The following GRK2 variants were observed in gnomAD, a reference collection of about 807,000 sequenced individuals.
GRK2 encodes G protein-coupled receptor kinase 2, also known as adrenergic beta receptor kinase 1.
Under a neutral mutation model 97.8 loss-of-function variants are expected in GRK2, and 23 were observed. The ratio of observed to expected loss-of-function variants is 0.24; its 90% confidence interval spans 0.17 to 0.33. The LOEUF (loss-of-function observed/expected upper bound fraction) is 0.33. Ranked by LOEUF, GRK2 falls within the 10% of genes least tolerant of loss-of-function variation. The pLI is 1.00. For synonymous variants in GRK2, 425 were observed against 381.7 expected, an observed-to-expected ratio of 1.11 and a Z score of -1.32; for missense variants, 633 against 956.9, an observed-to-expected ratio of 0.66 and a Z score of 4.47.
chr11:67,283,085 G>T, intron 14 of GRK2, 43 bp from the exon 15 acceptor site: 1 of 1,590,142 alleles, frequency 6.3e-7, no homozygotes, highest in South Asian at 1.1e-5. Flanking sequence ...TGGGGTCAAG[G>T]GCTCTTCCTA....
intron 1 of GRK2, among the ~76,000 whole-genome samples, chr11:67,271,431 A>T (rs1859905053): frequency 6.6e-6 from 1 of 151,828 alleles, no homozygotes; most frequent in African/African-American, 2.4e-5. Flanking sequence ...CAATTTTCTG[A>T]CTCTAGAGCC....
intron 1 of GRK2, among the ~76,000 whole-genome samples, chr11:67,275,938 T>A (rs1860019162): frequency 6.6e-6 from 1 of 152,038 alleles, no homozygotes; most frequent in African/African-American, 2.4e-5. Flanking sequence ...TGGCATGAGG[T>A]ACACAGTGCC....
In GRK2 at chr11:67,281,305, T is replaced by A; in HGVS notation, c.647+121T>A. On this transcript the variant is annotated intron_variant, in intron 8 of 20. Transcript: ENST00000308595. The surrounding 1 kb of genome is among the most constrained non-coding windows in gnomAD (Gnocchi z 5.7). ...CATGCACTCCTGTCTTGCCGTGCTGTTACCCCCGCAGGCTCCTCTGGCCCC... is the reference window on the plus strand; with the variant it reads ...CATGCACTCCTGTCTTGCCGTGCTGATACCCCCGCAGGCTCCTCTGGCCCC... 9.1e-7 allele frequency: 1 copy of A among 1,095,040 alleles called. No individual in the cohort carries two copies. The highest frequency in any genetic ancestry group is 1.3e-6 in the Non-Finnish European group (1 of 743,818). 67.8% of individuals were successfully genotyped at this position (1,095,040 alleles called of 1,614,324 possible). A position where few individuals can be genotyped will look rare whatever the true frequency, so the allele number is the denominator to read the frequency against.
intron 1 of GRK2, among the ~76,000 whole-genome samples, chr11:67,267,484 G>A (rs1590843768): frequency 6.6e-6 from 1 of 152,132 alleles, no homozygotes; most frequent in African/African-American, 2.4e-5. Flanking sequence ...CCTCCCCCTC[G>A]GACCGCGCTC....
chr11:67,277,456 CAG>C (rs992919169), intron 2 of GRK2, 108 bp downstream of exon 2: 2 of 959,200 alleles, frequency 2.1e-6, no homozygotes, highest in Non-Finnish European at 3.2e-6. Context: ...CCCATCCACT[CAG>C]GGTGGAGCAG....
At chr11:67,267,241 A>C (rs1859819799) in intron 1 of GRK2, among the ~76,000 whole-genome samples, 2 of 151,398 alleles carry the variant, frequency 1.3e-5, no homozygotes, top group Non-Finnish European at 1.5e-5. Flanking sequence ...GCCACCATTT[A>C]CCTCGCCTGA....
chr11:67,277,197 T>C (rs1272093292), intron 1 of GRK2, 75 bp from the exon 2 acceptor site: 2 of 1,462,430 alleles, frequency 1.4e-6, no homozygotes, highest in African/African-American at 2.8e-5. Context: ...CACAGTGCCC[T>C]CAGCTCGCGT....
At position 67,284,256 on chromosome 11, in the gene GRK2, A is replaced by G. The variant is rs1345158398; in HGVS notation, c.1537A>G (p.Ile513Val). Residue 513 changes from isoleucine (I) to valine (V), a missense_variant, in exon 18 of 21, where the codon ATC becomes GTC. Ile to Val is a conservative substitution (Grantham distance 29, BLOSUM62 3). Coordinates refer to ENST00000308595, the MANE Select transcript of GRK2 (RefSeq NM_001619.5). ...GCTCTACCGCAACTTCCCCCTCACC[A>G]TCTCGGAGCGGTGGCAGCAGGAGGT... ...QELYRNFPLT[I>V]SERWQQEVAE... 1.9e-6 allele frequency: 3 copies of G among 1,613,292 alleles called. No homozygotes were observed. Among genetic ancestry groups the G allele is most frequent in the South Asian group, 1.1e-5 (1 of 91,056 alleles).
At chr11:67,283,078 G>A (rs773662671) in intron 14 of GRK2, 50 bp from the exon 15 acceptor site, 2 of 1,571,734 alleles carry the variant, frequency 1.3e-6, no homozygotes, top group African/African-American at 1.3e-5. Context: ...GCTGGGATGG[G>A]GTCAAGGGCT....
intron 1 of GRK2, chr11:67,277,036 A>T: frequency 2.3e-6 from 1 of 430,736 alleles, no homozygotes; most frequent in African/African-American, 2.1e-5. Context: ...GCAGGGGGCC[A>T]CCTGCCGGCC....
In GRK2 at chr11:67,281,678, A is replaced by T; in HGVS notation, c.776A>T (p.Tyr259Phe). 6.2e-7 allele frequency: 1 copy of T among 1,606,684 alleles called. No individual in the cohort carries two copies. The highest frequency in any genetic ancestry group is 8.5e-7 in the Non-Finnish European group (1 of 1,178,798). The stretch of plus-strand genomic sequence containing the variant: ...TGCCCATTCATTGTCTGCATGTCAT[A>T]CGCGTTCCACACGCCAGACAAGCTC... ...GDCPFIVCMS[Y>F]AFHTPDKLSF... Residue 259 changes from tyrosine (Y) to phenylalanine (F), a missense_variant, in exon 10 of 21, where the codon TAC (tyrosine) becomes TTC (phenylalanine). Tyr to Phe is a conservative substitution (Grantham distance 22). Transcript: ENST00000308595. The surrounding 1 kb of genome is among the most constrained non-coding windows in gnomAD (Gnocchi z 5.7).
At chr11:67,274,166 C>T (rs535686174) in intron 1 of GRK2, among the ~76,000 whole-genome samples, 1 of 152,262 alleles carries the variant, frequency 6.6e-6, no homozygotes, top group Admixed American at 6.5e-5. Context: ...GCGCACGCCA[C>T]CATGCTGGGC....
At chr11:67,271,896 T>TTCCTGGAAATGCCACAGGGAGC (rs1859916409) in intron 1 of GRK2, among the ~76,000 whole-genome samples, 1 of 152,164 alleles carries the variant, frequency 6.6e-6, no homozygotes, top group Non-Finnish European at 1.5e-5. Context: ...GGTGTCTGGT[T>TTCCTGGAAATGCCACAGGGAGC]TCCTGGAAAT....
At chr11:67,279,951 A>C in intron 6 of GRK2, 51 bp downstream of exon 6, 1 of 1,572,848 alleles carries the variant, frequency 6.4e-7, no homozygotes, top group Non-Finnish European at 8.7e-7. Context: ...GGCCGCTCTC[A>C]GAAGGGGTAT....
intron 1 of GRK2, among the ~76,000 whole-genome samples, chr11:67,275,682 T>C (rs1210203323): frequency 1.3e-5 from 2 of 152,196 alleles, no homozygotes; most frequent in African/African-American, 4.8e-5. Flanking sequence ...TCCTGCCCCA[T>C]TGGCCCCTTG....
Position 67,279,411 on chromosome 11 carries a change from C to T in GRK2, c.265-7C>T, listed in dbSNP as rs765441674. On this transcript the variant is annotated splice_region_variant and splice_polypyrimidine_tract_variant and intron_variant, in intron 3 of 20. Coordinates refer to ENST00000308595, the MANE Select transcript of GRK2 (RefSeq NM_001619.5). ...TCTAGATGACCTGCAGGAATCCTGT[C>T]CTCCAGATCAAGAAGTACGAGAAGC... 6.8e-6 allele frequency: 11 copies of T among 1,612,938 alleles called. No homozygotes were observed. Among genetic ancestry groups the T allele is most frequent in the African/African-American group, 2.7e-5 (2 of 74,934 alleles).
At chr11:67,266,844 ACCCCGCGGGCGCCCCGGCCGCGG>A in intron 1 of GRK2, 32 bp downstream of exon 1, 2 of 1,107,766 alleles carry the variant, frequency 1.8e-6, no homozygotes, top group Non-Finnish European at 2.3e-6. Flanking sequence ...CCCCGGCCCG[ACCCCGCGGGCGCCCCGGCCGCGG>A]CCCCGAGACC....
chr11:67,274,481 C>T (rs561532948), intron 1 of GRK2, among the ~76,000 whole-genome samples: 95 of 59,980 alleles, frequency 1.6e-3, no homozygotes, highest in African/African-American at 3.2e-3. Flanking sequence ...CGCTACCTTC[C>T]GCTTGACCAG....
At position 67,281,263 on chromosome 11, in the gene GRK2, A is replaced by G; in HGVS notation, c.647+79A>G. The G allele has an allele frequency of 5.3e-6, 7 of 1,315,906 alleles. No individual in the cohort carries two copies. Among genetic ancestry groups the G allele is most frequent in the South Asian group, 3.8e-5 (3 of 79,436 alleles). 81.5% of individuals were successfully genotyped at this position (1,315,906 alleles called of 1,614,324 possible). ...GACCCTGACAGGCCGGGTTCCACACAGGGCCACCTGCTGCTCCATGCACTC... is the reference window on the plus strand; with the variant it reads ...GACCCTGACAGGCCGGGTTCCACACGGGGCCACCTGCTGCTCCATGCACTC... On this transcript the variant is annotated intron_variant, in intron 8 of 20. Coordinates refer to ENST00000308595, the MANE Select transcript of GRK2 (RefSeq NM_001619.5). The surrounding 1 kb of genome is among the most constrained non-coding windows in gnomAD (Gnocchi z 5.7).
Sources: gnomAD v4.1 joint callset for allele counts (sites outside exome capture counted in the v4.1 genomes callset) on GRCh38, gnomAD v4.1.1 for gene constraint, Gnocchi (gnomAD v3.1) non-coding constraint, MANE v1.5 for transcripts, NCBI Gene and HGNC (gene_info 2026-07-23, HGNC 2026-07-21) for gene names.